Variants in KCNQ5 observed in about 807,000 individuals in gnomAD.
KCNQ5 encodes potassium voltage-gated channel subfamily KQT member 5.
Under a neutral mutation model 98.2 loss-of-function variants are expected in KCNQ5, and 30 were observed. The ratio of observed to expected loss-of-function variants is 0.31; its 90% confidence interval spans 0.23 to 0.41. The LOEUF is 0.41. Ranked by LOEUF, KCNQ5 falls within the 10% of genes least tolerant of loss-of-function variation. The pLI is 1.00. For synonymous variants in KCNQ5, 458 were observed against 449.4 expected (o/e 1.02, Z -0.24); for missense variants, 835 against 1,182.5 (o/e 0.71, Z 4.31).
At chr6:72,890,961 G>A (rs1048647573) in intron 1 of KCNQ5, among the ~76,000 whole-genome samples, 3 of 152,168 alleles carry the variant, frequency 2.0e-5, no homozygotes, top group Non-Finnish European at 4.4e-5. Flanking sequence ...CCACTGTTGT[G>A]GAAGAATTTT....
chr6:72,700,029 A>G (rs894166282), intron 1 of KCNQ5, among the ~76,000 whole-genome samples: 2 of 152,340 alleles, frequency 1.3e-5, no homozygotes, highest in African/African-American at 2.4e-5. Context: ...AATGAAATGT[A>G]TAGAAAGCAC....
At chr6:73,182,082 T>G (rs1778420189) in intron 11 of KCNQ5, among the ~76,000 whole-genome samples, 1 of 152,162 alleles carries the variant, frequency 6.6e-6, no homozygotes, top group Non-Finnish European at 1.5e-5. Flanking sequence ...CCCAGGCCAG[T>G]TCATGGGCTT....
At chr6:73,034,885 G>A (rs1173337404) in intron 2 of KCNQ5, among the ~76,000 whole-genome samples, 2 of 127,506 alleles carry the variant, frequency 1.6e-5, no homozygotes, top group Admixed American at 1.9e-4. Flanking sequence ...TCGCTCTGTT[G>A]CCCAAGCTGG....
chr6:72,784,449 A>G (rs932166227), intron 1 of KCNQ5, among the ~76,000 whole-genome samples: 4 of 152,180 alleles, frequency 2.6e-5, no homozygotes, highest in African/African-American at 4.8e-5. Context: ...TAATATTATA[A>G]ACAATAGTTA....
intron 1 of KCNQ5, among the ~76,000 whole-genome samples, chr6:72,655,017 GGTCT>G (rs200156574): frequency 0.071 from 7,609 of 107,352 alleles, 411 homozygotes; most frequent in Middle Eastern, 0.08. Context: ...TAATAGCCAA[GGTCT>G]GTCTGTCTTT....
chr6:72,810,150 G>T (rs1176833518), intron 1 of KCNQ5, among the ~76,000 whole-genome samples: 1 of 152,096 alleles, frequency 6.6e-6, no homozygotes, highest in East Asian at 1.9e-4. Flanking sequence ...CTTTTCCCTT[G>T]AACATGTTTA....
intron 1 of KCNQ5, among the ~76,000 whole-genome samples, chr6:72,822,702 C>T (rs2150115335): frequency 6.6e-6 from 1 of 152,198 alleles, no homozygotes; most frequent in Admixed American, 6.5e-5. Flanking sequence ...TTTTAGTTTT[C>T]CTACTACTGC....
At chr6:73,077,280 C>A (rs1773578136) in intron 3 of KCNQ5, 42 bp from the exon 4 acceptor site, 1 of 1,568,864 alleles carries the variant, frequency 6.4e-7, no homozygotes, top group African/African-American at 1.4e-5. Flanking sequence ...ATAAAAATTC[C>A]TGGTCGTGCT....
At chr6:72,942,623 T>C (rs1242316290) in intron 1 of KCNQ5, among the ~76,000 whole-genome samples, 2 of 152,222 alleles carry the variant, frequency 1.3e-5, no homozygotes, top group Non-Finnish European at 2.9e-5. Context: ...AATACAGAAG[T>C]GAAGCTTCAA....
chr6:72,714,524 C>A (rs1769542084), intron 1 of KCNQ5, among the ~76,000 whole-genome samples: 1 of 151,804 alleles, frequency 6.6e-6, no homozygotes, highest in Non-Finnish European at 1.5e-5. Flanking sequence ...TTTTCCTTTT[C>A]TCTCTGATAT....
chr6:73,067,863 GATATATATATATATATATATAT>G (rs71695883), intron 3 of KCNQ5, among the ~76,000 whole-genome samples: 3 of 4,386 alleles, frequency 6.8e-4, no homozygotes, highest in Admixed American at 5.0e-3. Flanking sequence ...TTGGACAAAA[GATATATATATATATATATATAT>G]ATATATATAT....
At chr6:73,183,388 C>T (rs1778466877) in intron 11 of KCNQ5, among the ~76,000 whole-genome samples, 2 of 152,176 alleles carry the variant, frequency 1.3e-5, no homozygotes, top group Admixed American at 6.5e-5. Flanking sequence ...AGGTAAAGTA[C>T]TTAGCACTGC....
intron 1 of KCNQ5, chr6:72,806,779 C>T (rs566122294): frequency 6.3e-4 from 283 of 449,650 alleles, no homozygotes; most frequent in Non-Finnish European, 1.1e-3. Flanking sequence ...AAGCCAAACC[C>T]GTTTTTGCTC....
chr6:72,814,040 G>A (rs914390747), intron 1 of KCNQ5, among the ~76,000 whole-genome samples: 43 of 152,120 alleles, frequency 2.8e-4, no homozygotes, highest in African/African-American at 1.0e-3. Flanking sequence ...GGCCAGGCAG[G>A]ATCAGAGGAG....
At chr6:72,832,830 G>T (rs1260643454) in intron 1 of KCNQ5, among the ~76,000 whole-genome samples, 2 of 152,150 alleles carry the variant, frequency 1.3e-5, no homozygotes, top group African/African-American at 4.8e-5. Flanking sequence ...TATGGTAAAA[G>T]CCACTGGGAG....
At chr6:72,728,491 C>T (rs1052537756) in intron 1 of KCNQ5, among the ~76,000 whole-genome samples, 3 of 152,084 alleles carry the variant, frequency 2.0e-5, no homozygotes, top group East Asian at 3.9e-4. Context: ...ACTTTTTGAA[C>T]AGAATATTCA....
rs367637614 is a variant in KCNQ5 at position 73,121,702 on chromosome 6, C to T, written c.1220+1125C>T. Among the ~76,000 whole-genome samples, 27 of 152,322 alleles carry T rather than the reference C, an allele frequency of 1.8e-4. No individual in the cohort carries two copies. In the East Asian group the frequency reaches 5.2e-3, roughly 29 times the overall value. ...GGGAGATATCAGCTGAGGAAACCTC[C>T]ATGACATTCCCTGGCAGTACCGTCT... On this transcript the variant is annotated intron_variant, in intron 8 of 13. Coordinates refer to ENST00000370398, the MANE Select transcript of KCNQ5 (RefSeq NM_019842.4).
At chr6:72,758,613 C>T (rs1457561149) in intron 1 of KCNQ5, among the ~76,000 whole-genome samples, 4 of 152,094 alleles carry the variant, frequency 2.6e-5, no homozygotes, top group African/African-American at 4.8e-5. Flanking sequence ...TTTTGATACT[C>T]TCAGCTGCCA....
Position 72,902,932 on chromosome 6 carries a change from G to A in KCNQ5, c.399-100976G>A, listed in dbSNP as rs150944137. 4.9e-3 allele frequency among the ~76,000 whole-genome samples: 738 copies of A among 151,876 alleles called. 11 individuals are homozygous for A. The highest frequency in any genetic ancestry group is 0.021 in the East Asian group (108 of 5,168). On this transcript the variant is annotated intron_variant, in intron 1 of 13. Coordinates refer to ENST00000370398, the MANE Select transcript of KCNQ5 (RefSeq NM_019842.4). ...GATTGGTACCAATTATTTGAGTGTC[G>A]GGTAGAAATCTGCTGTGAATCCATC...
Sources: allele counts gnomAD v4.1 joint callset (sites outside exome capture counted in the v4.1 genomes callset), GRCh38; gene constraint gnomAD v4.1.1; transcripts MANE v1.5; gene names NCBI Gene and HGNC (gene_info 2026-07-23, HGNC 2026-07-21).